Variants in TNRC6A observed in about 807,000 individuals in gnomAD.
The protein encoded by TNRC6A is trinucleotide repeat-containing gene 6A protein.
A neutral mutation model predicts 221.2 loss-of-function variants in TNRC6A; 44 were observed. The observed-to-expected ratio is 0.20, with a 90% CI of 0.16 to 0.26. The LOEUF is 0.26. Ranked by LOEUF, TNRC6A falls within the 10% of genes least tolerant of loss-of-function variation. The pLI, the probability that TNRC6A is intolerant of heterozygous loss-of-function variation, is 1.00. For missense variants in TNRC6A, 2,199 were observed against 2,404.4 expected (o/e 0.91, Z 1.79); for synonymous variants, 847 against 838.5 (o/e 1.01, Z -0.18).
Position 24,621,776 on chromosome 16 carries a change from GT to G in TNRC6A, n.276+11295del, listed in dbSNP as rs1175420806. On this transcript the variant is annotated intron_variant and non_coding_transcript_variant, in intron 1 of 2. Coordinates refer to the TNRC6A transcript ENST00000566108. Reference sequence around the variant, plus strand: ...AAAAATAGCTTAATCACTAAAAAGTGTTTCATTAGAGTATAAAAGCAATAGT... The same window carrying G: ...AAAAATAGCTTAATCACTAAAAAGTGTTCATTAGAGTATAAAAGCAATAGT... 5.9e-5 allele frequency among the ~76,000 whole-genome samples: 9 copies of G among 152,234 alleles called. No homozygotes were observed. The South Asian group carries it at 8.3e-4, about 14-fold the overall frequency.
At chr16:24,655,140 A>G (rs1204424012) in intron 2 of TNRC6A, among the ~76,000 whole-genome samples, 2 of 152,066 alleles carry the variant, frequency 1.3e-5, no homozygotes, top group Non-Finnish European at 2.9e-5. Context: ...GCTACTCAGG[A>G]GGCTGAGATG....
intron 3 of TNRC6A, among the ~76,000 whole-genome samples, chr16:24,755,910 A>G (rs2057240134): frequency 6.6e-6 from 1 of 152,168 alleles, no homozygotes; most frequent in South Asian, 2.1e-4. Context: ...TCACATTTGA[A>G]GTAGTGTTGT....
chr16:24,685,180 G>A (rs564183898), intron 2 of TNRC6A, among the ~76,000 whole-genome samples: 5 of 152,186 alleles, frequency 3.3e-5, no homozygotes, highest in Admixed American at 6.6e-5. Flanking sequence ...TGATACTTCC[G>A]GGGCCCGACA....
intron 2 of TNRC6A, among the ~76,000 whole-genome samples, chr16:24,702,144 C>T (rs2055994573): frequency 8.1e-6 from 1 of 122,916 alleles, no homozygotes; most frequent in African/African-American, 3.0e-5. Flanking sequence ...GTCCACATTT[C>T]GCGTGTAAAC....
At chr16:24,804,075 GTCATT>G in intron 11 of TNRC6A, 97 bp from the exon 12 acceptor site, 1 of 1,261,306 alleles carries the variant, frequency 7.9e-7, no homozygotes, top group Non-Finnish European at 1.1e-6. Context: ...CTTGGCTGAA[GTCATT>G]TCAGTTTGGA....
intron 2 of TNRC6A, among the ~76,000 whole-genome samples, chr16:24,695,922 T>C (rs987048971): frequency 2.0e-5 from 3 of 152,158 alleles, no homozygotes; most frequent in Non-Finnish European, 4.4e-5. Context: ...CCCCTTGAGC[T>C]TGGAATTAAT....
rs138776163 is a variant in TNRC6A, at chr16:24,702,731, A to G, written n.403-47995A>G. Among the ~76,000 whole-genome samples the G allele has an allele frequency of 5.3e-3, 804 of 152,088 alleles. 6 individuals carry two copies. The highest frequency in any genetic ancestry group is 8.3e-3 in the Non-Finnish European group (566 of 67,998). On this transcript the variant is annotated intron_variant and non_coding_transcript_variant, in intron 2 of 2. Coordinates refer to the TNRC6A transcript ENST00000566108. ...AGCCCGGGTGACACAGTGAGATGCT[A>G]ACTCTAAAAAAATAAAGCATACAGC...
chr16:24,719,299 T>C (rs1418311287), intron 2 of TNRC6A, among the ~76,000 whole-genome samples: 1 of 151,958 alleles, frequency 6.6e-6, no homozygotes, highest in East Asian at 1.9e-4. Context: ...GGTGAGAGGA[T>C]CATTTAGGCT....
rs368700995 is a variant in TNRC6A, at chr16:24,633,066, C to T, written n.277-7818C>T. Among the ~76,000 whole-genome samples, 5 of 151,932 alleles carry T rather than the reference C, an allele frequency of 3.3e-5. No individual in the cohort carries two copies. In the East Asian group the frequency reaches 5.8e-4, roughly 18 times the overall value. The stretch of plus-strand genomic sequence containing the variant: ...ACATAGTCTGCAAGGCCCTACATCA[C>T]CAGGCACTTGCTTTATTCTAGAACT... On this transcript the variant is annotated intron_variant and non_coding_transcript_variant, in intron 1 of 2. Coordinates refer to the TNRC6A transcript ENST00000566108.
intron 6 of TNRC6A, among the ~76,000 whole-genome samples, chr16:24,792,785 A>AT (rs34453471): frequency 0.056 from 6,685 of 120,380 alleles, 540 homozygotes; most frequent in East Asian, 0.33. Context: ...TTGTGGCACA[A>AT]TTTTTTTTTT....
intron 2 of TNRC6A, among the ~76,000 whole-genome samples, chr16:24,747,530 C>G (rs1468188937): frequency 6.6e-6 from 1 of 152,166 alleles, no homozygotes; most frequent in East Asian, 1.9e-4. Flanking sequence ...TCCATCAGTC[C>G]TTGCTCCTCT....
rs1375052644 is a variant in TNRC6A, at chr16:24,665,117, G to A, written n.402+24108G>A. Reference sequence around the variant, plus strand: ...GTCTCACTCTGTTGCCTAGCCTGGAGTGCAGTGGTTCGTGCAATCATAGCT... The same window carrying A: ...GTCTCACTCTGTTGCCTAGCCTGGAATGCAGTGGTTCGTGCAATCATAGCT... On this transcript the variant is annotated intron_variant and non_coding_transcript_variant, in intron 2 of 2. Transcript: ENST00000566108. The A allele has an allele frequency of 1.3e-5, 5 of 394,366 alleles. No individual in the cohort carries two copies. In the East Asian group the frequency reaches 2.9e-4, roughly 23 times the overall value. The allele number at this position is 394,366 out of a possible 1,614,324, so 24.4% of individuals were successfully genotyped here.
intron 3 of TNRC6A, among the ~76,000 whole-genome samples, chr16:24,754,595 G>A (rs1243406552): frequency 6.6e-6 from 1 of 152,176 alleles, no homozygotes; most frequent in Admixed American, 6.5e-5. Context: ...AGTAGTAGCA[G>A]TAGGTTACCA....
chr16:24,618,661 T>C (rs904398616), intron 1 of TNRC6A, among the ~76,000 whole-genome samples: 62 of 146,864 alleles, frequency 4.2e-4, no homozygotes, highest in African/African-American at 1.5e-3. Context: ...TTTTTTTTTT[T>C]TTTTTTTGAG....
chr16:24,778,444 T>G, intron 5 of TNRC6A: 1 of 985,452 alleles, frequency 1.0e-6, no homozygotes, highest in Non-Finnish European at 1.2e-6. Flanking sequence ...AGGATGTGAT[T>G]GGTAATGAGG....
intron 2 of TNRC6A, among the ~76,000 whole-genome samples, chr16:24,642,190 G>A (rs1288043050): frequency 6.6e-6 from 1 of 152,214 alleles, no homozygotes; most frequent in Non-Finnish European, 1.5e-5. Context: ...TCTCAGCAAA[G>A]GCGGTGTGAG....
intron 2 of TNRC6A, among the ~76,000 whole-genome samples, chr16:24,659,345 G>A (rs573067630): frequency 4.6e-5 from 7 of 152,130 alleles, no homozygotes; most frequent in Admixed American, 1.3e-4. Flanking sequence ...TCAAGATGTT[G>A]AGAAATTTGG....
chr16:24,633,487 C>T (rs977270684), intron 1 of TNRC6A, among the ~76,000 whole-genome samples: 5 of 152,010 alleles, frequency 3.3e-5, no homozygotes, highest in Non-Finnish European at 7.4e-5. Flanking sequence ...CTCCACCTCC[C>T]GGGTTCAAGC....
upstream of TNRC6A, among the ~76,000 whole-genome samples, chr16:24,729,430 C>T (rs1390893113): frequency 6.6e-6 from 1 of 151,016 alleles, no homozygotes; most frequent in Non-Finnish European, 1.5e-5. Context: ...CGGAGCCGGC[C>T]GCACCGAAAA....
Sources: gnomAD v4.1 joint callset for allele counts (sites outside exome capture counted in the v4.1 genomes callset) on GRCh38, gnomAD v4.1.1 for gene constraint, MANE v1.5 for transcripts, NCBI Gene and HGNC (gene_info 2026-07-23, HGNC 2026-07-21) for gene names.